Variants in CWC27 observed in about 807,000 individuals in gnomAD.
The protein encoded by CWC27 is CWC27 spliceosome associated cyclophilin.
CWC27 carries 47 observed loss-of-function variants against 63.6 expected under a neutral mutation model. The observed-to-expected ratio is 0.74, with a 90% CI of 0.58 to 0.94. The LOEUF (loss-of-function observed/expected upper bound fraction) is 0.94. Ranked by LOEUF, CWC27 falls within the 40% of genes least tolerant of loss-of-function variation. The pLI is 0.00. For synonymous variants in CWC27, 175 were observed against 179.8 expected (o/e 0.97, Z 0.22); for missense variants, 495 against 554.3 (o/e 0.89, Z 1.07).
chr5:64,881,217 G>A (rs2112337735), intron 10 of CWC27, among the ~76,000 whole-genome samples: 1 of 152,072 alleles, frequency 6.6e-6, no homozygotes, highest in South Asian at 2.1e-4. Context: ...GAAACATTTA[G>A]CATAATGAAG....
chr5:64,932,234 G>C (rs946882504), intron 11 of CWC27, among the ~76,000 whole-genome samples: 1 of 152,088 alleles, frequency 6.6e-6, no homozygotes, highest in African/African-American at 2.4e-5. Flanking sequence ...GAAAATGTCA[G>C]AGCCCTGATT....
At chr5:64,942,874 T>C (rs528490837) in intron 11 of CWC27, among the ~76,000 whole-genome samples, 2 of 152,346 alleles carry the variant, frequency 1.3e-5, no homozygotes, top group African/African-American at 4.8e-5. Context: ...GCCTGTATAA[T>C]AAAATTGTAA....
chr5:64,897,979 A>G (rs1299098613), intron 11 of CWC27, among the ~76,000 whole-genome samples: 1 of 152,214 alleles, frequency 6.6e-6, no homozygotes, highest in East Asian at 1.9e-4. Flanking sequence ...AACTGATTAA[A>G]CAAACATGTA....
intron 11 of CWC27, among the ~76,000 whole-genome samples, chr5:64,968,332 T>C (rs1198885149): frequency 3.3e-5 from 5 of 152,102 alleles, no homozygotes; most frequent in Admixed American, 1.3e-4. Context: ...GGCAGTATCA[T>C]ATAAAATTAA....
intron 10 of CWC27, among the ~76,000 whole-genome samples, chr5:64,884,975 T>C (rs1434037305): frequency 6.6e-6 from 1 of 152,188 alleles, no homozygotes; most frequent in Non-Finnish European, 1.5e-5. Flanking sequence ...GAGTTAAAAG[T>C]TTGTAGCGTG....
chr5:64,933,584 C>G (rs770668477), intron 11 of CWC27, among the ~76,000 whole-genome samples: 26 of 151,880 alleles, frequency 1.7e-4, no homozygotes, highest in Non-Finnish European at 2.4e-4. Context: ...CCTCCACCTC[C>G]CAGGTTCAAG....
At chr5:64,920,138 G>T (rs1194159263) in intron 11 of CWC27, among the ~76,000 whole-genome samples, 2 of 148,500 alleles carry the variant, frequency 1.3e-5, no homozygotes, top group Non-Finnish European at 2.9e-5. Flanking sequence ...GCTAATTTTT[G>T]TACTTTTTTT....
At chr5:64,905,872 C>T (rs1042749712) in intron 11 of CWC27, among the ~76,000 whole-genome samples, 1 of 152,104 alleles carries the variant, frequency 6.6e-6, no homozygotes, top group Non-Finnish European at 1.5e-5. Flanking sequence ...TGTTCCCCGC[C>T]CTGTGTCCAA....
In CWC27 at chr5:64,840,162, C is replaced by A. The variant is rs150089787; in HGVS notation, c.938+35776C>A. ...GGTGGGAAAAAGTGGCTTAGTGTGC[C>A]AAGTAGAGAAGTGAGCACTGCAGAA... On this transcript the variant is annotated intron_variant, in intron 10 of 13. Transcript: ENST00000381070. Among the ~76,000 whole-genome samples, 606 of 151,088 alleles carry A rather than the reference C, an allele frequency of 4.0e-3. 3 individuals are homozygous for A. The highest frequency in any genetic ancestry group is 0.014 in the African/African-American group (566 of 41,174).
At chr5:64,802,648 A>G (rs569334108) in intron 9 of CWC27, among the ~76,000 whole-genome samples, 12 of 152,146 alleles carry the variant, frequency 7.9e-5, no homozygotes, top group Non-Finnish European at 1.2e-4. Flanking sequence ...ATTCTACACT[A>G]TGAGGTGAGG....
At chr5:64,977,065 A>G in intron 12 of CWC27, 70 bp from the exon 13 acceptor site, 3 of 914,916 alleles carry the variant, frequency 3.3e-6, no homozygotes, top group Non-Finnish European at 4.8e-6. Flanking sequence ...TTTTCTACCA[A>G]ACTTAAGCAT....
intron 7 of CWC27, 32 bp from the exon 8 acceptor site, chr5:64,800,216 C>G (rs1372865906): frequency 1.4e-6 from 2 of 1,393,754 alleles, no homozygotes; most frequent in Non-Finnish European, 2.0e-6. Context: ...GTTTATTTCC[C>G]CCCTCATGAT....
At chr5:64,903,532 C>T (rs561140837) in intron 11 of CWC27, among the ~76,000 whole-genome samples, 93 of 137,792 alleles carry the variant, frequency 6.7e-4, no homozygotes, top group Non-Finnish European at 1.2e-3. Flanking sequence ...GTTGGGGGAT[C>T]GGGGCAAGGG....
chr5:64,823,606 G>T (rs927220145), intron 10 of CWC27, among the ~76,000 whole-genome samples: 2 of 152,150 alleles, frequency 1.3e-5, no homozygotes, highest in African/African-American at 4.8e-5. Flanking sequence ...CCTAACTCAT[G>T]CTCTGTAAAA....
At chr5:65,012,542 C>T (rs527692438) in intron 13 of CWC27, among the ~76,000 whole-genome samples, 1 of 152,282 alleles carries the variant, frequency 6.6e-6, no homozygotes, top group East Asian at 1.9e-4. Flanking sequence ...GGAAGTAGGG[C>T]CTGGGTCATA....
intron 11 of CWC27, among the ~76,000 whole-genome samples, chr5:64,970,358 G>A (rs984035704): frequency 1.3e-5 from 2 of 151,984 alleles, no homozygotes; most frequent in Admixed American, 6.6e-5. Context: ...GACTACAGGC[G>A]CCCGCCACCA....
intron 10 of CWC27, among the ~76,000 whole-genome samples, chr5:64,817,157 G>T (rs1398573870): frequency 6.6e-6 from 1 of 151,964 alleles, no homozygotes; most frequent in East Asian, 1.9e-4. Context: ...TCATACCAAG[G>T]TCACTCCTCT....
intron 10 of CWC27, among the ~76,000 whole-genome samples, chr5:64,879,391 CAGAG>C (rs1193950119): frequency 2.0e-5 from 3 of 151,776 alleles, no homozygotes; most frequent in Non-Finnish European, 4.4e-5. Context: ...TGCATTAAGA[CAGAG>C]AGAATTGCAG....
At chr5:64,977,637 A>G (rs1749251801) in intron 13 of CWC27, among the ~76,000 whole-genome samples, 1 of 152,206 alleles carries the variant, frequency 6.6e-6, no homozygotes, top group Non-Finnish European at 1.5e-5. Flanking sequence ...GAACTCAGTA[A>G]TCTATTTCAT....
Sources: gnomAD v4.1 joint callset for allele counts (sites outside exome capture counted in the v4.1 genomes callset) on GRCh38, gnomAD v4.1.1 for gene constraint, MANE v1.5 for transcripts, NCBI Gene and HGNC (gene_info 2026-07-23, HGNC 2026-07-21) for gene names.